MYPN: variants seen among roughly 807,000 people sequenced by gnomAD.
The protein encoded by MYPN is myopalladin, also known as sarcomeric protein myopalladin, 145 kDa (MYOP).
In MYPN, 63 loss-of-function variants were observed where a neutral mutation model predicts 129.4. The ratio of observed to expected loss-of-function variants is 0.49; its 90% CI spans 0.40 to 0.60. The LOEUF (loss-of-function observed/expected upper bound fraction) is 0.60, where lower values mean the gene tolerates loss of function less well. Among genes scored for constraint, MYPN ranks in the 20% least tolerant of loss-of-function variants. MYPN has a pLI of 0.00. For synonymous variants in MYPN, 629 were observed against 600.9 expected (o/e 1.05, Z -0.68); for missense variants, 1,596 against 1,635.4 (o/e 0.98, Z 0.42).
chr10:68,209,671 C>CTTTTTTTTTTTTTTTTTTTTTTTT (rs35392300), intron 19 of MYPN, among the ~76,000 whole-genome samples: 32 of 131,192 alleles, frequency 2.4e-4, no homozygotes, highest in Non-Finnish European at 2.9e-4. Context: ...GAATTCTTTT[C>CTTTTTTTTTTTTTTTTTTTTTTTT]TTTTTTTTTT....
intron 4 of MYPN, 47 bp from the exon 5 acceptor site, chr10:68,148,304 CAA>C (rs1419070979): frequency 2.8e-6 from 4 of 1,420,946 alleles, no homozygotes; most frequent in Non-Finnish European, 4.0e-6. Flanking sequence ...ATAATTTTCA[CAA>C]AGAGTGATAG....
At chr10:68,206,729 C>G in intron 18 of MYPN, 41 bp from the exon 19 acceptor site, 29 of 1,613,476 alleles carry the variant, frequency 1.8e-5, no homozygotes, top group Non-Finnish European at 2.4e-5. Context: ...GGCATTTCTG[C>G]CCCCCGATAA....
intron 6 of MYPN, among the ~76,000 whole-genome samples, chr10:68,150,803 A>G (rs2042756390): frequency 6.6e-6 from 1 of 152,242 alleles, no homozygotes; most frequent in South Asian, 2.1e-4. Context: ...GTGAAGATGA[A>G]AAAATGGAAT....
At chr10:68,124,351 A>G (rs1039107400) in intron 2 of MYPN, among the ~76,000 whole-genome samples, 2 of 152,192 alleles carry the variant, frequency 1.3e-5, no homozygotes, top group African/African-American at 4.8e-5. Context: ...CTACCTGATT[A>G]TTACTAGAAT....
intron 12 of MYPN, among the ~76,000 whole-genome samples, chr10:68,179,627 C>G (rs1351659278): frequency 1.3e-5 from 2 of 152,164 alleles, no homozygotes; most frequent in African/African-American, 4.8e-5. Flanking sequence ...ACTATGGTAA[C>G]AATCCAACTT....
intron 10 of MYPN, among the ~76,000 whole-genome samples, chr10:68,171,285 G>T (rs2043141360): frequency 6.6e-6 from 1 of 152,142 alleles, no homozygotes; most frequent in Non-Finnish European, 1.5e-5. Context: ...TCAGACAAAA[G>T]TCAGAATATA....
intron 13 of MYPN, among the ~76,000 whole-genome samples, chr10:68,189,594 A>G (rs569206621): frequency 3.3e-5 from 5 of 152,174 alleles, no homozygotes; most frequent in Non-Finnish European, 7.3e-5. Context: ...TAGCTCCCAC[A>G]TGTCAGTCAG....
At chr10:68,196,533 G>T (rs995545103) in intron 15 of MYPN, among the ~76,000 whole-genome samples, 1 of 134,506 alleles carries the variant, frequency 7.4e-6, no homozygotes, top group African/African-American at 2.6e-5. Context: ...ACCCAGGCTG[G>T]AATGCAGTGG....
chr10:68,098,144 G>A (rs1289708538), intron 1 of MYPN, among the ~76,000 whole-genome samples: 1 of 152,134 alleles, frequency 6.6e-6, no homozygotes, highest in Non-Finnish European at 1.5e-5. Context: ...TACTTGGGAG[G>A]CTGAAGTGGG....
chr10:68,171,322 A>G (rs187238580), intron 10 of MYPN, among the ~76,000 whole-genome samples: 5 of 152,238 alleles, frequency 3.3e-5, no homozygotes, highest in Non-Finnish European at 7.4e-5. Context: ...TTTGGGGCCA[A>G]ATGTTTCTTT....
chr10:68,100,014 G>T (rs2041974498), intron 1 of MYPN, among the ~76,000 whole-genome samples: 1 of 152,140 alleles, frequency 6.6e-6, no homozygotes, highest in Non-Finnish European at 1.5e-5. Context: ...TTTCTTCTCT[G>T]ATCTTCAGTT....
chr10:68,169,445 C>G (rs1311165103), intron 10 of MYPN, among the ~76,000 whole-genome samples: 1 of 151,950 alleles, frequency 6.6e-6, no homozygotes, highest in Admixed American at 6.6e-5. Context: ...AGAGTTCAGT[C>G]CTCAGGTACG....
At chr10:68,166,806 A>T in intron 10 of MYPN, 140 bp downstream of exon 10, 1 of 1,208,240 alleles carries the variant, frequency 8.3e-7, no homozygotes, top group Non-Finnish European at 1.2e-6. Flanking sequence ...AGGCAGGAGG[A>T]TCGCTTGAGC....
At chr10:68,114,355 T>TC (rs1230002494) in intron 1 of MYPN, 1 of 151,432 alleles carries the variant, frequency 6.6e-6, no homozygotes, top group African/African-American at 2.4e-5. Flanking sequence ...TTCTTTTTTT[T>TC]TTTTTTGACG....
chr10:68,111,986 G>A (rs568427905), intron 1 of MYPN, among the ~76,000 whole-genome samples: 1 of 152,300 alleles, frequency 6.6e-6, no homozygotes, highest in African/African-American at 2.4e-5. Flanking sequence ...ATAGTAAGAA[G>A]CTGAAGAAGA....
At chr10:68,102,122 C>CTTTTTTTTTTTTTTTTTTTT (rs35930233), upstream of MYPN, among the ~76,000 whole-genome samples, 1 of 108,444 alleles carries the variant, frequency 9.2e-6, no homozygotes, top group Non-Finnish European at 1.7e-5. Flanking sequence ...TTTCTCTCTC[C>CTTTTTTTTTTTTTTTTTTTT]TTTTTTTTTT....
chr10:68,144,816 C>T (rs560226065), intron 3 of MYPN, among the ~76,000 whole-genome samples: 32 of 152,218 alleles, frequency 2.1e-4, no homozygotes, highest in African/African-American at 5.5e-4. Context: ...AGAGGATTTA[C>T]GAACACCAGA....
intron 3 of MYPN, 99 bp downstream of exon 3, chr10:68,143,214 T>C: frequency 8.5e-7 from 1 of 1,180,882 alleles, no homozygotes; most frequent in East Asian, 2.5e-5. Flanking sequence ...TGCGCTCTTC[T>C]AGGCAATGAG....
chr10:68,166,106 G>GT (rs1039321539), intron 9 of MYPN, among the ~76,000 whole-genome samples, 188 bp from the exon 10 acceptor site: 16 of 152,038 alleles, frequency 1.1e-4, no homozygotes, highest in African/African-American at 3.9e-4. Flanking sequence ...TTTAAATTTA[G>GT]TTTTTTATTT....
Sources: allele counts gnomAD v4.1 joint callset (sites outside exome capture counted in the v4.1 genomes callset), GRCh38; gene constraint gnomAD v4.1.1; transcripts MANE v1.5; gene names NCBI Gene and HGNC (gene_info 2026-07-23, HGNC 2026-07-21).